Variants in FAM81A observed in about 807,000 individuals in gnomAD.
FAM81A encodes the protein family with sequence similarity 81 member A.
In FAM81A, 19 loss-of-function variants were observed where a neutral mutation model predicts 46.7. The observed-to-expected ratio is 0.41, with a 90% CI of 0.28 to 0.60. The LOEUF is 0.60. Ranked by LOEUF, FAM81A falls within the 20% of genes least tolerant of loss-of-function variation. The pLI, the probability that FAM81A is intolerant of heterozygous loss-of-function variation, is 0.34. For missense variants in FAM81A, 377 were observed against 453.5 expected (o/e 0.83, Z 1.53); for synonymous variants, 183 against 152.9 (o/e 1.20, Z -1.45).
chr15:59,416,617 C>G (rs971020233), intron 2 of FAM81A, among the ~76,000 whole-genome samples: 1 of 152,146 alleles, frequency 6.6e-6, no homozygotes, highest in South Asian at 2.1e-4. Context: ...GCTACAATCC[C>G]TCCTAAGATT....
At chr15:59,515,257 A>T (rs1266130795) in intron 7 of FAM81A, among the ~76,000 whole-genome samples, 1 of 152,160 alleles carries the variant, frequency 6.6e-6, no homozygotes, top group Non-Finnish European at 1.5e-5. Flanking sequence ...AAAAGAAAAA[A>T]AAGTCTTGCA....
intron 2 of FAM81A, among the ~76,000 whole-genome samples, chr15:59,423,177 A>C (rs1024285417): frequency 6.6e-5 from 10 of 152,256 alleles, no homozygotes; most frequent in East Asian, 3.9e-4. Context: ...GGCTCACTGC[A>C]AGCTCCGCCT....
At chr15:59,487,026 T>C (rs1435952229) in intron 3 of FAM81A, among the ~76,000 whole-genome samples, 1 of 151,130 alleles carries the variant, frequency 6.6e-6, no homozygotes, top group Non-Finnish European at 1.5e-5. Flanking sequence ...AAACTATTCC[T>C]TATCTTAAAT....
At chr15:59,473,590 T>C (rs745684386) in intron 3 of FAM81A, among the ~76,000 whole-genome samples, 1 of 152,174 alleles carries the variant, frequency 6.6e-6, no homozygotes, top group Non-Finnish European at 1.5e-5. Context: ...CCCAGCACTT[T>C]CCTGTGGGAA....
intron 2 of FAM81A, among the ~76,000 whole-genome samples, 189 bp from the exon 3 acceptor site, chr15:59,459,744 T>C (rs1397509620): frequency 1.3e-5 from 2 of 152,164 alleles, no homozygotes; most frequent in African/African-American, 4.8e-5. Context: ...CTGAAGTCTG[T>C]GGGCATGATT....
At chr15:59,410,863 G>T (rs2081117291) in intron 2 of FAM81A, among the ~76,000 whole-genome samples, 1 of 152,096 alleles carries the variant, frequency 6.6e-6, no homozygotes, top group East Asian at 1.9e-4. Flanking sequence ...TAACTCTCCT[G>T]CCTCAGCCTC....
chr15:59,471,649 T>TG (rs397771215), intron 3 of FAM81A, among the ~76,000 whole-genome samples: 2 of 151,478 alleles, frequency 1.3e-5, no homozygotes, highest in Admixed American at 6.6e-5. Flanking sequence ...TTTTTTTTTT[T>TG]GTAGAGATGA....
intron 2 of FAM81A, among the ~76,000 whole-genome samples, chr15:59,420,504 T>C (rs2081166933): frequency 6.6e-6 from 1 of 152,258 alleles, no homozygotes; most frequent in Non-Finnish European, 1.5e-5. Flanking sequence ...AACAAACACA[T>C]TTTATACCAA....
chr15:59,494,752 G>A (rs2082016483), intron 4 of FAM81A, among the ~76,000 whole-genome samples: 1 of 152,138 alleles, frequency 6.6e-6, no homozygotes, highest in Non-Finnish European at 1.5e-5. Flanking sequence ...TTGTATTGGA[G>A]GGGTATGAAC....
chr15:59,513,425 G>C (rs1276501272), intron 6 of FAM81A, among the ~76,000 whole-genome samples: 7 of 152,142 alleles, frequency 4.6e-5, no homozygotes, highest in Non-Finnish European at 8.8e-5. Flanking sequence ...CGGAACTGCC[G>C]GGGTCTGTGG....
chr15:59,465,576 G>C (rs2081602477), intron 3 of FAM81A, among the ~76,000 whole-genome samples: 1 of 152,126 alleles, frequency 6.6e-6, no homozygotes, highest in African/African-American at 2.4e-5. Flanking sequence ...CCTGGCCCTA[G>C]TTTTGTTCTT....
rs1567053136 is a variant in FAM81A, at chr15:59,460,300, A to G, written c.294+94A>G. Reference sequence around the variant, plus strand: ...CACATCTAACTCCTACCTCCCAGGCAGTACTGCATTTAGAACAAAGCTGTC... The same window carrying G: ...CACATCTAACTCCTACCTCCCAGGCGGTACTGCATTTAGAACAAAGCTGTC... On this transcript the variant is annotated intron_variant, in intron 3 of 8. Coordinates refer to ENST00000288228, the MANE Select transcript of FAM81A (RefSeq NM_152450.3). This position sits in a 1 kb window ranked among gnomAD's most constrained non-coding sequence, Gnocchi z 4.4. 2 of 1,506,298 alleles carry G rather than the reference A, an allele frequency of 1.3e-6. No homozygotes were observed. Among genetic ancestry groups the G allele is most frequent in the Admixed American group, 1.7e-5 (1 of 59,894 alleles). 93.3% of individuals were successfully genotyped at this position (1,506,298 alleles called of 1,614,324 possible). A position where few individuals can be genotyped will look rare whatever the true frequency, so the allele number is the denominator to read the frequency against.
chr15:59,506,973 G>T (rs150085143), intron 4 of FAM81A, among the ~76,000 whole-genome samples: 1 of 152,110 alleles, frequency 6.6e-6, no homozygotes, highest in South Asian at 2.1e-4. Flanking sequence ...ACTCATGATC[G>T]TTGGAAAGAC....
intron 2 of FAM81A, among the ~76,000 whole-genome samples, chr15:59,413,092 G>A (rs540026985): frequency 6.6e-6 from 1 of 152,102 alleles, no homozygotes; most frequent in Non-Finnish European, 1.5e-5. Flanking sequence ...GCCACACAAG[G>A]CCACTCAGGT....
At chr15:59,489,320 TAC>T (rs2081958337) in intron 3 of FAM81A, among the ~76,000 whole-genome samples, 1 of 152,004 alleles carries the variant, frequency 6.6e-6, no homozygotes, top group Non-Finnish European at 1.5e-5. Context: ...CATATATACA[TAC>T]ATACATACAT....
At chr15:59,412,796 C>G (rs1282212629) in intron 2 of FAM81A, among the ~76,000 whole-genome samples, 1 of 151,796 alleles carries the variant, frequency 6.6e-6, no homozygotes, top group Non-Finnish European at 1.5e-5. Context: ...TGGAGTGGCC[C>G]GAGGGAAACT....
chr15:59,472,818 G>T (rs1273294042), intron 3 of FAM81A, among the ~76,000 whole-genome samples: 3 of 152,136 alleles, frequency 2.0e-5, no homozygotes, highest in African/African-American at 7.2e-5. Context: ...AACTAAAGAA[G>T]TGCAATGACC....
At chr15:59,467,512 C>A (rs1394336169) in intron 3 of FAM81A, among the ~76,000 whole-genome samples, 1 of 152,132 alleles carries the variant, frequency 6.6e-6, no homozygotes, top group Non-Finnish European at 1.5e-5. Flanking sequence ...CTCTGTTTGT[C>A]TGTTAATGGT....
chr15:59,521,527 ACCTTGAGTCTT>A lies in FAM81A; in HGVS notation c.*150_*160del. The A allele has an allele frequency of 1.3e-6, 1 of 799,696 alleles. No individual in the cohort carries two copies. The highest frequency in any genetic ancestry group is 1.8e-6 in the Non-Finnish European group (1 of 566,836). The allele number at this position is 799,696 out of a possible 1,614,324, so 49.5% of individuals were successfully genotyped here. A position where few individuals can be genotyped will look rare whatever the true frequency, so the allele number is the denominator to read the frequency against. Reference sequence around the variant, plus strand: ...TGTGTTTTTATGGGTCTAAATGTTTACCTTGAGTCTTGAAAATACTCTTTTGTTAAAAGTAT... The same window carrying A: ...TGTGTTTTTATGGGTCTAAATGTTTAGAAAATACTCTTTTGTTAAAAGTAT... On this transcript the variant is annotated 3_prime_UTR_variant, in exon 9 of 9. Coordinates refer to ENST00000288228, the MANE Select transcript of FAM81A (RefSeq NM_152450.3).
Sources: gnomAD v4.1 joint callset for allele counts (sites outside exome capture counted in the v4.1 genomes callset) on GRCh38, gnomAD v4.1.1 for gene constraint, Gnocchi (gnomAD v3.1) non-coding constraint, MANE v1.5 for transcripts, NCBI Gene and HGNC (gene_info 2026-07-23, HGNC 2026-07-21) for gene names.